The following CADM2 variants were observed in gnomAD, a reference collection of about 807,000 sequenced individuals.
CADM2 encodes cell adhesion molecule 2.
In CADM2, 12 loss-of-function variants were observed where a neutral mutation model predicts 49.8. That is an observed-to-expected ratio of 0.24 (90% CI 0.15 to 0.39). The LOEUF is 0.39. Among genes scored for constraint, CADM2 ranks in the 10% least tolerant of loss-of-function variants. The pLI is 1.00. For missense variants in CADM2, 378 were observed against 492.3 expected, an observed-to-expected ratio of 0.77 and a Z score of 2.20; for synonymous variants, 214 against 175.4, an observed-to-expected ratio of 1.22 and a Z score of -1.74.
chr3:85,219,394 A>C (rs1394352243), intron 1 of CADM2, among the ~76,000 whole-genome samples: 1 of 152,196 alleles, frequency 6.6e-6, no homozygotes, highest in Non-Finnish European at 1.5e-5. Context: ...CGTTCACTTC[A>C]AAACTGTTAA....
chr3:85,289,366 G>A (rs1396417648), intron 1 of CADM2, among the ~76,000 whole-genome samples: 2 of 152,096 alleles, frequency 1.3e-5, no homozygotes, highest in Non-Finnish European at 2.9e-5. Context: ...TAATGAAAGG[G>A]GAAACTATTG....
chr3:85,926,476 A>T (rs1348993942), intron 6 of CADM2, among the ~76,000 whole-genome samples: 1 of 152,178 alleles, frequency 6.6e-6, no homozygotes, highest in Non-Finnish European at 1.5e-5. Flanking sequence ...GAGTTAGTGC[A>T]TTGTCTTCTT....
intron 3 of CADM2, among the ~76,000 whole-genome samples, chr3:85,852,292 G>T (rs2075138341): frequency 6.6e-6 from 1 of 152,084 alleles, no homozygotes; most frequent in Non-Finnish European, 1.5e-5. Context: ...TTTGTTCCAT[G>T]AATGCATGAA....
At chr3:85,007,562 C>A (rs1472963777) in intron 1 of CADM2, among the ~76,000 whole-genome samples, 1 of 152,060 alleles carries the variant, frequency 6.6e-6, no homozygotes, top group African/African-American at 2.4e-5. Flanking sequence ...CCAAAGGATG[C>A]AGAGTTTAAC....
chr3:85,564,682 T>A (rs556337184), intron 1 of CADM2, among the ~76,000 whole-genome samples: 1 of 152,070 alleles, frequency 6.6e-6, no homozygotes, highest in Non-Finnish European at 1.5e-5. Context: ...TGTCTTTCTA[T>A]AAACCAGAAG....
Position 85,098,806 on chromosome 3 carries a change from ATGTT to A in CADM2, c.61+139141_61+139144del, listed in dbSNP as rs139960016. Reference sequence around the variant, plus strand: ...CTCGTGAATGCTGTATTTTTGATCCATGTTTGGTTGAAAAACAAATCCGCGTATA... The same window carrying A: ...CTCGTGAATGCTGTATTTTTGATCCATGGTTGAAAAACAAATCCGCGTATA... On this transcript the variant is annotated intron_variant, in intron 1 of 9. Transcript: ENST00000383699. Among the ~76,000 whole-genome samples, 19 of 152,278 alleles carry A rather than the reference ATGTT, an allele frequency of 1.2e-4. No individual in the cohort carries two copies. The East Asian group carries it at 2.7e-3, about 22-fold the overall frequency.
chr3:86,047,014 T>G (rs1436770567), intron 8 of CADM2, among the ~76,000 whole-genome samples: 1 of 152,012 alleles, frequency 6.6e-6, no homozygotes, highest in Non-Finnish European at 1.5e-5. Context: ...AATCAAACAT[T>G]TATCTAGTAT....
chr3:85,368,706 A>C (rs2032981244), intron 1 of CADM2, among the ~76,000 whole-genome samples: 1 of 152,096 alleles, frequency 6.6e-6, no homozygotes, highest in African/African-American at 2.4e-5. Flanking sequence ...AGGCATAATA[A>C]TATATTTTAT....
intron 1 of CADM2, among the ~76,000 whole-genome samples, chr3:85,720,069 T>C (rs2067443915): frequency 6.6e-6 from 1 of 152,196 alleles, no homozygotes; most frequent in Admixed American, 6.5e-5. Flanking sequence ...CTACACATGA[T>C]AATTAATTGA....
intron 7 of CADM2, among the ~76,000 whole-genome samples, chr3:85,944,728 C>G (rs143978856): frequency 4.0e-5 from 6 of 151,704 alleles, no homozygotes; most frequent in Admixed American, 2.0e-4. Context: ...TTGAAACCAA[C>G]GAGAACAAAG....
chr3:85,968,275 G>A (rs144729347), intron 8 of CADM2, among the ~76,000 whole-genome samples: 3 of 151,804 alleles, frequency 2.0e-5, no homozygotes, highest in African/African-American at 7.2e-5. Context: ...TGAATATGCT[G>A]TTGAACTCTG....
chr3:85,152,791 A>C (rs1023518859), intron 1 of CADM2, among the ~76,000 whole-genome samples: 1 of 152,058 alleles, frequency 6.6e-6, no homozygotes, highest in African/African-American at 2.4e-5. Context: ...CCCCGTCTCT[A>C]CTAAAAATAC....
Position 85,435,609 on chromosome 3 carries a change from T to C in CADM2, c.62-290913T>C, listed in dbSNP as rs1231590328. Among the ~76,000 whole-genome samples the C allele has an allele frequency of 2.0e-5, 3 of 152,154 alleles. No homozygotes were observed. The East Asian group carries it at 5.8e-4, about 29-fold the overall frequency. ...ATCGCCACACTGTCTTCCGCAATGG[T>C]TGAACTAATTCACCCTCCCACTAGC... On this transcript the variant is annotated intron_variant, in intron 1 of 9. Coordinates refer to ENST00000383699, the MANE Select transcript of CADM2 (RefSeq NM_001167675.2).
chr3:85,598,626 GTGTCTACTTAAT>G (rs1164200893), intron 1 of CADM2, among the ~76,000 whole-genome samples: 1 of 151,654 alleles, frequency 6.6e-6, no homozygotes, highest in Non-Finnish European at 1.5e-5. Flanking sequence ...ACTCAATATT[GTGTCTACTTAAT>G]TGGTCATTTA....
chr3:84,999,133 T>C (rs893515434), intron 1 of CADM2, among the ~76,000 whole-genome samples: 2 of 152,118 alleles, frequency 1.3e-5, no homozygotes, highest in African/African-American at 4.8e-5. Context: ...ATTGCAACAC[T>C]TTTGGAGAGG....
At chr3:85,057,919 CTT>C (rs1199473194) in intron 1 of CADM2, among the ~76,000 whole-genome samples, 1 of 152,128 alleles carries the variant, frequency 6.6e-6, no homozygotes, top group Non-Finnish European at 1.5e-5. Context: ...TCCCCAGAAA[CTT>C]TTGCTTTTTC....
chr3:85,193,958 G>A (rs1412285010), intron 1 of CADM2, among the ~76,000 whole-genome samples: 2 of 152,074 alleles, frequency 1.3e-5, no homozygotes, highest in Admixed American at 1.3e-4. Flanking sequence ...GGAGACTGAT[G>A]ATAATCAAAT....
At chr3:85,308,460 A>C (rs1326784979) in intron 1 of CADM2, among the ~76,000 whole-genome samples, 1 of 151,962 alleles carries the variant, frequency 6.6e-6, no homozygotes, top group Admixed American at 6.6e-5. Context: ...AGAACTTCAG[A>C]GAGAGTTAAG....
chr3:85,168,595 A>T (rs1315186656), intron 1 of CADM2, among the ~76,000 whole-genome samples: 1 of 152,174 alleles, frequency 6.6e-6, no homozygotes, highest in African/African-American at 2.4e-5. Context: ...CATACTGATT[A>T]TATTTGGTAT....
Sources: allele counts gnomAD v4.1 joint callset (sites outside exome capture counted in the v4.1 genomes callset), GRCh38; gene constraint gnomAD v4.1.1; transcripts MANE v1.5; gene names NCBI Gene and HGNC (gene_info 2026-07-23, HGNC 2026-07-21).